The following ANKRD36 variants were observed in gnomAD, a reference collection of about 807,000 sequenced individuals.
ANKRD36 encodes ankyrin repeat domain-containing protein 36A.
A neutral mutation model predicts 278.1 loss-of-function variants in ANKRD36; 179 were observed. The ratio of observed to expected loss-of-function variants is 0.64; its 90% CI spans 0.57 to 0.73. ANKRD36 has a LOEUF of 0.73. Among genes scored for constraint, ANKRD36 ranks in the 30% least tolerant of loss-of-function variants. ANKRD36 has a pLI of 0.00. For missense variants in ANKRD36, 1,159 were observed against 1,956.7 expected, an observed-to-expected ratio of 0.59 and a Z score of 7.69; for synonymous variants, 320 against 641.1, an observed-to-expected ratio of 0.50 and a Z score of 7.57.
At chr2:97,158,689 A>C in intron 17 of ANKRD36, 34 bp downstream of exon 17, 1 of 1,518,412 alleles carries the variant, frequency 6.6e-7, no homozygotes, top group Non-Finnish European at 8.8e-7. Context: ...CCAACATAGA[A>C]TAATCAGAGT....
At chr2:97,223,125 G>A in intron 66 of ANKRD36, among the ~76,000 whole-genome samples, 1 of 123,676 alleles carries the variant, frequency 8.1e-6, no homozygotes. Context: ...TTTTGAGACA[G>A]AGTCTTGCTC....
intron 1 of ANKRD36, among the ~76,000 whole-genome samples, chr2:97,114,419 G>A (rs1188257822): frequency 1.5e-5 from 2 of 129,708 alleles, no homozygotes; most frequent in Non-Finnish European, 3.3e-5. Context: ...AACCTTGGCG[G>A]GGGCGAGCAC....
chr2:97,141,047 A>T (rs1490258684), intron 6 of ANKRD36, among the ~76,000 whole-genome samples: 2 of 151,790 alleles, frequency 1.3e-5, no homozygotes, highest in Admixed American at 1.3e-4. Context: ...GATGCAGCTT[A>T]ATCTAGAAAA....
intron 22 of ANKRD36, among the ~76,000 whole-genome samples, chr2:97,169,343 T>A (rs980092449): frequency 2.0e-5 from 3 of 152,310 alleles, no homozygotes; most frequent in Non-Finnish European, 2.9e-5. Context: ...AGATTCTGGA[T>A]ATTAGCCTTT....
intron 67 of ANKRD36, among the ~76,000 whole-genome samples, chr2:97,225,434 A>G (rs2069138969): frequency 6.6e-6 from 1 of 152,176 alleles, no homozygotes; most frequent in East Asian, 2.0e-4. Flanking sequence ...CACCTTTGGT[A>G]TTAGTGTACA....
Position 97,174,204 on chromosome 2 carries a change from G to A in ANKRD36, c.1634-5534G>A, listed in dbSNP as rs537616528. ...AAGTGGACGAAGAGACAGTGAGAAA[G>A]TCGAACTGCTGAATCCAGGAAATGT... On this transcript the variant is annotated intron_variant, in intron 22 of 75. Transcript: ENST00000420699. Among the ~76,000 whole-genome samples, 4 of 151,890 alleles carry A rather than the reference G, an allele frequency of 2.6e-5. No individual in the cohort carries two copies. The South Asian group carries it at 8.4e-4, about 32-fold the overall frequency.
intron 15 of ANKRD36, among the ~76,000 whole-genome samples, chr2:97,155,197 A>G (rs1265335795): frequency 2.1e-5 from 3 of 141,660 alleles, no homozygotes; most frequent in African/African-American, 7.3e-5. Flanking sequence ...CACATAGCAT[A>G]TAGTTTCTTT....
At chr2:97,123,085 A>T in intron 4 of ANKRD36, 92 bp downstream of exon 4, 1 of 1,034,716 alleles carries the variant, frequency 9.7e-7, no homozygotes. Flanking sequence ...TTACATTAAT[A>T]AGAAGACTAA....
At chr2:97,204,005 G>A (rs2062108548) in intron 48 of ANKRD36, 63 bp from the exon 49 acceptor site, 1 of 1,538,064 alleles carries the variant, frequency 6.5e-7, no homozygotes, top group African/African-American at 1.4e-5. Flanking sequence ...AACACTGCAT[G>A]AATGTATGGA....
intron 6 of ANKRD36, among the ~76,000 whole-genome samples, chr2:97,130,588 G>GAA (rs574132135): frequency 6.9e-6 from 1 of 143,924 alleles, no homozygotes; most frequent in African/African-American, 2.5e-5. Flanking sequence ...CTAAAAGTAT[G>GAA]AAAAAAAAAA....
intron 46 of ANKRD36, 137 bp downstream of exon 46, chr2:97,200,662 C>A (rs2061108757): frequency 2.9e-6 from 4 of 1,402,418 alleles, no homozygotes; most frequent in East Asian, 2.5e-5. Context: ...CTAACAAGTT[C>A]TTGGGTTATG....
At chr2:97,205,621 G>C (rs1575893186) in intron 50 of ANKRD36, among the ~76,000 whole-genome samples, 1 of 151,546 alleles carries the variant, frequency 6.6e-6, no homozygotes, top group East Asian at 1.9e-4. Flanking sequence ...AGGTGTGTGA[G>C]TTGCTCCTCT....
rs867654819 is a variant in ANKRD36 at position 97,196,703 on chromosome 2, A to G, written c.2581-13A>G. 6.4e-6 allele frequency: 10 copies of G among 1,571,524 alleles called. No individual in the cohort carries two copies. The Middle Eastern group carries it at 1.2e-3, about 183-fold the overall frequency. ...CTTTATTTATTTATTATTTCGTTTC[A>G]AATTCCATTCAGGGTACAAGTGACG... On this transcript the variant is annotated splice_polypyrimidine_tract_variant and intron_variant, in intron 41 of 75. Transcript: ENST00000420699.
intron 66 of ANKRD36, among the ~76,000 whole-genome samples, chr2:97,223,095 A>G (rs1489593304): frequency 7.0e-6 from 1 of 143,292 alleles, no homozygotes; most frequent in African/African-American, 2.7e-5. Context: ...AGCTTATTAT[A>G]CACTTTTTTT....
At chr2:97,242,288 C>CA (rs377748316) in intron 69 of ANKRD36, among the ~76,000 whole-genome samples, 46,016 of 119,120 alleles carry the variant, frequency 0.39, 9,258 homozygotes, top group East Asian at 0.7. Context: ...GACTCCCTCT[C>CA]AAAAAAAAAA....
chr2:97,163,544 G>A (rs549964472), intron 18 of ANKRD36: 2 of 264,336 alleles, frequency 7.6e-6, no homozygotes, highest in East Asian at 1.4e-4. Context: ...ATGATTGAGA[G>A]CATTTCCTGC....
At chr2:97,175,109 T>C (rs1396536995) in intron 22 of ANKRD36, among the ~76,000 whole-genome samples, 2 of 149,764 alleles carry the variant, frequency 1.3e-5, no homozygotes, top group African/African-American at 2.4e-5. Context: ...TGTCTCTGCC[T>C]GGCTTTGGTA....
At position 97,142,562 on chromosome 2, in the gene ANKRD36, A is replaced by G. The variant is rs556502593; in HGVS notation, c.800-78A>G. ...AATAGGGGCAGGAGGATACAGCTTG[A>G]TGGTAACAGTGCATGAATGTATGGA... On this transcript the variant is annotated intron_variant, in intron 6 of 75. Transcript: ENST00000420699. The G allele has an allele frequency of 5.2e-4, 826 of 1,597,526 alleles. No homozygotes were observed. The South Asian group carries it at 8.0e-3, about 16-fold the overall frequency.
chr2:97,113,792 C>G lies in ANKRD36; in HGVS notation c.53C>G (p.Ser18Trp), dbSNP rs369245120. 5.6e-6 allele frequency: 9 copies of G among 1,612,854 alleles called. No individual in the cohort carries two copies. Among genetic ancestry groups the G allele is most frequent in the East Asian group, 4.5e-5 (2 of 44,158 alleles). The change falls in exon 1 of 76, where the codon TCG becomes TGG. Residue 18 changes from serine (S) to tryptophan (W), a missense_variant. Ser to Trp is a radical substitution (Grantham distance 177, BLOSUM62 -3). Transcript: ENST00000420699. ...CCCACCCTCATGGAGCGCTTGTGCT[C>G]GGATGGCTTCGCATTTCCCCAATAC... is the stretch of plus-strand genomic sequence containing the variant. ...RWPTLMERLCSDGFAFPQYPI... is the reference protein window; with the variant it reads ...RWPTLMERLCWDGFAFPQYPI...
Sources: gnomAD v4.1 joint callset for allele counts (sites outside exome capture counted in the v4.1 genomes callset) on GRCh38, gnomAD v4.1.1 for gene constraint, MANE v1.5 for transcripts, NCBI Gene and HGNC (gene_info 2026-07-23, HGNC 2026-07-21) for gene names.